GAS2L2: variants seen among roughly 807,000 people sequenced by gnomAD.
GAS2L2 encodes the protein GAS2-like protein 2.
GAS2L2 carries 21 observed loss-of-function variants against 35.2 expected under a neutral mutation model. The observed-to-expected ratio is 0.60, with a 90% CI of 0.42 to 0.86. The LOEUF is 0.86. Ranked by LOEUF, GAS2L2 falls within the 40% of genes least tolerant of loss-of-function variation. The probability of loss-of-function intolerance (pLI) is 0.00; values close to 1 mark genes in which losing one functional copy is unlikely to be tolerated. For synonymous variants in GAS2L2, 490 were observed against 473.2 expected (o/e 1.04, Z -0.46); for missense variants, 1,169 against 1,144.4 (o/e 1.02, Z -0.31).
chr17:35,746,286 T>A lies in GAS2L2; in HGVS notation c.1211A>T (p.Glu404Val). Residue 404 changes from glutamate to valine, a missense_variant, in exon 6 of 6, where the codon GAG (glutamate) becomes GTG (valine). By Grantham distance (121) the Glu-to-Val change is moderately radical. Transcript: ENST00000604641. ...DPQCTSSGKR[E>V]ERYPPELPRG... ...GGGGAGTTCAGGGGGGTATCTCTCC[T>A]CCCTCTTTCCTGACGAGGTACACTG... is the stretch of plus-strand genomic sequence containing the variant. 1 of 1,434,310 alleles carries A rather than the reference T, an allele frequency of 7.0e-7. No homozygotes were observed. Among genetic ancestry groups the A allele is most frequent in the Non-Finnish European group, 9.2e-7 (1 of 1,090,826 alleles). 88.8% of individuals were successfully genotyped at this position (1,434,310 alleles called of 1,614,324 possible).
At position 35,745,242 on chromosome 17, in the gene GAS2L2, T is replaced by G. The variant is rs1555598681; in HGVS notation, c.2255A>C (p.Lys752Thr). 6.2e-7 allele frequency: 1 copy of G among 1,606,976 alleles called. No homozygotes were observed. The highest frequency in any genetic ancestry group is 1.1e-5 in the South Asian group (1 of 90,306). ...SPLDPNSDKAKACLSKGRRTL... is the reference protein window; with the variant it reads ...SPLDPNSDKATACLSKGRRTL... ...TCTCCTGCCCTTGCTCAGACATGCC[T>G]TGGCTTTGTCAGAGTTGGGGTCCAA... Residue 752 changes from lysine (K) to threonine (T), a missense_variant, in exon 6 of 6, where the codon AAG (lysine) becomes ACG (threonine). By Grantham distance (78) the Lys-to-Thr change is moderately conservative (BLOSUM62 -1). Around this residue, in one of 3 missense-constraint regions of GAS2L2, gnomAD observed 1,035 missense variants for 976.5 expected, o/e 1.06. Transcript: ENST00000604641.
intron 1 of GAS2L2, among the ~76,000 whole-genome samples, 194 bp from the exon 2 acceptor site, chr17:35,750,512 T>C (rs1315964499): frequency 6.6e-6 from 1 of 152,046 alleles, no homozygotes; most frequent in African/African-American, 2.4e-5. Context: ...GCGGAATTGC[T>C]CAGGTGCTGG....
Position 35,745,222 on chromosome 17 carries a change from T to C in GAS2L2, c.2275A>G (p.Arg759Gly). The change falls in exon 6 of 6, where the codon AGG (arginine) becomes GGG (glycine). Residue 759 changes from arginine to glycine, a missense_variant. Arg to Gly is a moderately radical substitution (Grantham distance 125, BLOSUM62 -2). Around this residue, in one of 3 missense-constraint regions of GAS2L2, gnomAD observed 1,035 missense variants for 976.5 expected, o/e 1.06. Transcript: ENST00000604641. ...CTCTTGGGCTTCCGGAGAGTTCTCC[T>C]GCCCTTGCTCAGACATGCCTTGGCT... ...DKAKACLSKG[R>G]RTLRKPKRVP... 1 of 1,606,140 alleles carries C rather than the reference T, an allele frequency of 6.2e-7. No individual in the cohort carries two copies. The highest frequency in any genetic ancestry group is 1.3e-5 in the African/African-American group (1 of 74,866).
intron 3 of GAS2L2, 118 bp downstream of exon 3, chr17:35,748,992 G>A: frequency 1.6e-6 from 1 of 641,798 alleles, no homozygotes; most frequent in Non-Finnish European, 2.8e-6. Flanking sequence ...TATTCTGGGA[G>A]GTGTCATTGT....
rs1395057406 is a variant in GAS2L2 at position 35,747,120 on chromosome 17, G to A, written c.981C>T (p.Thr327=). ...PPPPVDWKTY[T]SSDRRLRPPT... is the part of the protein sequence containing the mutation. Reference sequence around the variant, plus strand: ...GGGGCCTCAGCCTTCGGTCTGAAGAGGTATATGTCTTCCAGTCCACAGGGG... The same window carrying A: ...GGGGCCTCAGCCTTCGGTCTGAAGAAGTATATGTCTTCCAGTCCACAGGGG... The change falls in exon 5 of 6, where the codon ACC becomes ACT. Residue 327 remains threonine (T), a synonymous_variant. Coordinates refer to ENST00000604641, the MANE Select transcript of GAS2L2 (RefSeq NM_139285.4). 1.9e-6 allele frequency: 3 copies of A among 1,613,592 alleles called. No individual in the cohort carries two copies. In the African/African-American group the frequency reaches 4.0e-5, roughly 22 times the overall value.
chr17:35,752,856 G>A lies in GAS2L2; in HGVS notation c.-6C>T. On this transcript the variant is annotated 5_prime_UTR_variant, in exon 1 of 6. Transcript: ENST00000604641. ...CCTCCCGCAGGCTGGGACATGGCTG[G>A]ACCCCAGCAGGGCAGGAGGTGGGCA... 1.3e-6 allele frequency: 2 copies of A among 1,585,956 alleles called. No homozygotes were observed. Among genetic ancestry groups the A allele is most frequent in the Non-Finnish European group, 1.7e-6 (2 of 1,162,512 alleles).
At chr17:35,748,041 C>T (rs2085680800) in intron 3 of GAS2L2, 96 bp from the exon 4 acceptor site, 3 of 812,330 alleles carry the variant, frequency 3.7e-6, no homozygotes, top group Non-Finnish European at 6.2e-6. Flanking sequence ...GGGATGCTCT[C>T]ATCCATGTAC....
chr17:35,747,978 T>C (rs1216951771), intron 3 of GAS2L2, 33 bp from the exon 4 acceptor site: 2 of 1,548,718 alleles, frequency 1.3e-6, no homozygotes, highest in Non-Finnish European at 1.8e-6. Context: ...AAGGGCGGGG[T>C]GGAGGGCAGC....
Position 35,745,644 on chromosome 17 carries a change from C to G in GAS2L2, c.1853G>C (p.Arg618Thr). ...CCTTGTGCCCTGCGGACAGGCACTC[C>G]TGACTTCTAGCAGCTTCATGTTGCC... ...ILGNMKLLEV[R>T]SACPQGTRSG... Residue 618 changes from arginine to threonine, a missense_variant, in exon 6 of 6, where the codon AGG becomes ACG. Arg to Thr is a moderately conservative substitution (Grantham distance 71). Coordinates refer to ENST00000604641, the MANE Select transcript of GAS2L2 (RefSeq NM_139285.4). 1 of 1,613,966 alleles carries G rather than the reference C, an allele frequency of 6.2e-7. No homozygotes were observed. The highest frequency in any genetic ancestry group is 1.7e-5 in the Admixed American group (1 of 60,020).
At position 35,744,563 on chromosome 17, in the gene GAS2L2, T is replaced by C. The variant is rs1555598484; in HGVS notation, c.*291A>G. 2.7e-6 allele frequency: 1 copy of C among 375,328 alleles called. No homozygotes were observed. Among genetic ancestry groups the C allele is most frequent in the Admixed American group, 4.0e-5 (1 of 24,918 alleles). The allele number at this position is 375,328 out of a possible 1,614,324, so 23.2% of individuals were successfully genotyped here. Reference sequence around the variant, plus strand: ...AACTTATGGGAGTTATGGAAACAGGTGGGCATGGCCAGGGGCCAGAGGCCA... The same window carrying C: ...AACTTATGGGAGTTATGGAAACAGGCGGGCATGGCCAGGGGCCAGAGGCCA... On this transcript the variant is annotated 3_prime_UTR_variant, in exon 6 of 6. Coordinates refer to ENST00000604641, the MANE Select transcript of GAS2L2 (RefSeq NM_139285.4).
At position 35,744,598 on chromosome 17, in the gene GAS2L2, T is replaced by G. The variant is rs1598392620; in HGVS notation, c.*256A>C. The G allele has an allele frequency of 2.2e-6, 1 of 455,072 alleles. No homozygotes were observed. The highest frequency in any genetic ancestry group is 3.9e-6 in the Non-Finnish European group (1 of 254,804). 28.2% of individuals were successfully genotyped at this position (455,072 alleles called of 1,614,324 possible). ...CAGGGGCCAGAGGCCAGGAGTGTGGTGAGCCGTTCTAGGGGAGAGTAATGA... is the reference window on the plus strand; with the variant it reads ...CAGGGGCCAGAGGCCAGGAGTGTGGGGAGCCGTTCTAGGGGAGAGTAATGA... On this transcript the variant is annotated 3_prime_UTR_variant, in exon 6 of 6. Transcript: ENST00000604641.
intron 4 of GAS2L2, 83 bp downstream of exon 4, chr17:35,747,766 T>C: frequency 8.9e-7 from 1 of 1,119,122 alleles, no homozygotes; most frequent in Non-Finnish European, 1.3e-6. Context: ...CAGACATACC[T>C]CCCACCTCTG....
At position 35,745,729 on chromosome 17, in the gene GAS2L2, G is replaced by A; in HGVS notation, c.1768C>T (p.Leu590=). Residue 590 remains leucine, a synonymous_variant, in exon 6 of 6, where the codon CTG becomes TTG. Coordinates refer to ENST00000604641, the MANE Select transcript of GAS2L2 (RefSeq NM_139285.4). ...LQEQEGRYTP[L]PLGGNKEQAI... ...TGCTCCTTGTTCCCGCCCAAGGGCA[G>A]AGGTGTGTACCGCCCCTCCTGCTCC... is the stretch of plus-strand genomic sequence containing the variant. 6.2e-7 allele frequency: 1 copy of A among 1,613,924 alleles called. No individual in the cohort carries two copies. Among genetic ancestry groups the A allele is most frequent in the Non-Finnish European group, 8.5e-7 (1 of 1,180,054 alleles).
intron 2 of GAS2L2, among the ~76,000 whole-genome samples, chr17:35,749,422 C>G (rs1555599456): frequency 6.6e-6 from 1 of 152,218 alleles, no homozygotes; most frequent in East Asian, 1.9e-4. Context: ...ACCATGAGGT[C>G]CAGAGCTGAT....
chr17:35,751,723 G>A (rs1342823177), intron 1 of GAS2L2, among the ~76,000 whole-genome samples: 3 of 150,370 alleles, frequency 2.0e-5, no homozygotes, highest in Non-Finnish European at 3.0e-5. Context: ...AAACTTTCTC[G>A]GCCCCATTCC....
intron 5 of GAS2L2, among the ~76,000 whole-genome samples, 191 bp downstream of exon 5, chr17:35,746,825 C>G (rs1016900601): frequency 9.2e-5 from 14 of 152,166 alleles, no homozygotes; most frequent in Admixed American, 1.3e-4. Context: ...GCCTCCTCAT[C>G]TGTGAAATGG....
At chr17:35,750,457 G>A (rs1490233745) in intron 1 of GAS2L2, 139 bp from the exon 2 acceptor site, 16 of 1,218,954 alleles carry the variant, frequency 1.3e-5, no homozygotes, top group African/African-American at 4.6e-5. Context: ...AGTGGTTTGG[G>A]TCTCAGAATC....
Position 35,745,757 on chromosome 17 carries a change from T to C in GAS2L2, c.1740A>G (p.Leu580=). The C allele has an allele frequency of 6.2e-7, 1 of 1,613,804 alleles. No individual in the cohort carries two copies. The highest frequency in any genetic ancestry group is 8.5e-7 in the Non-Finnish European group (1 of 1,180,036). Residue 580 remains leucine (L), a synonymous_variant, in exon 6 of 6, where the codon CTA becomes CTG. Transcript: ENST00000604641. ...GTGTGTACCGCCCCTCCTGCTCCTG[T>C]AGGCCCAGGTCCCAGGACTCTCTGG... is the stretch of plus-strand genomic sequence containing the variant. ...AEARESWDLG[L]QEQEGRYTPL... is the part of the protein sequence containing the mutation.
Position 35,752,729 on chromosome 17 carries a change from C to A in GAS2L2, c.122G>T (p.Trp41Leu). The A allele has an allele frequency of 6.2e-7, 1 of 1,613,996 alleles. No individual in the cohort carries two copies. Among genetic ancestry groups the A allele is most frequent in the Non-Finnish European group, 8.5e-7 (1 of 1,180,036 alleles). Residue 41 changes from tryptophan (W) to leucine (L), a missense_variant, in exon 1 of 6, where the codon TGG becomes TTG. Physicochemically the swap from Trp to Leu is moderately conservative, Grantham distance 61. Coordinates refer to ENST00000604641, the MANE Select transcript of GAS2L2 (RefSeq NM_139285.4). ...LEAMKEDLAE[W>L]LRDLYGLDID... ...GTCCAGCCCATAGAGGTCGCGAAGC[C>A]ACTCAGCCAGGTCTTCCTTCATGGC...
Sources: allele counts gnomAD v4.1 joint callset (sites outside exome capture counted in the v4.1 genomes callset), GRCh38; gene constraint gnomAD v4.1.1; regional missense constraint gnomAD v4.1.1; transcripts MANE v1.5; gene names NCBI Gene and HGNC (gene_info 2026-07-23, HGNC 2026-07-21).